The following KIAA1217 variants were observed in gnomAD, a reference collection of about 807,000 sequenced individuals.
KIAA1217 encodes sickle tail protein homolog.
A neutral mutation model predicts 163.9 loss-of-function variants in KIAA1217; 88 were observed. That is an observed-to-expected ratio of 0.54 (90% CI 0.45 to 0.64). The LOEUF is 0.64. Ranked by LOEUF, KIAA1217 falls within the 30% of genes least tolerant of loss-of-function variation. KIAA1217 has a pLI of 0.00. For synonymous variants in KIAA1217, 903 were observed against 923.1 expected, an observed-to-expected ratio of 0.98 and a Z score of 0.39; for missense variants, 2,372 against 2,475.0, an observed-to-expected ratio of 0.96 and a Z score of 0.88.
chr10:24,239,685 GTGTGTGTGTGTT>G (rs1052464604), intron 2 of KIAA1217, among the ~76,000 whole-genome samples: 50 of 138,832 alleles, frequency 3.6e-4, no homozygotes, highest in Non-Finnish European at 5.5e-4. Flanking sequence ...GTGTGTGTGT[GTGTGTGTGTGTT>G]TGTGTGTGTG....
intron 1 of KIAA1217, among the ~76,000 whole-genome samples, chr10:23,946,916 C>G (rs1189459056): frequency 6.6e-6 from 1 of 151,984 alleles, no homozygotes; most frequent in Non-Finnish European, 1.5e-5. Context: ...TGGGAGGGAC[C>G]CAGTGGGAGG....
chr10:24,259,661 G>C (rs1275563961), intron 2 of KIAA1217, among the ~76,000 whole-genome samples: 2 of 152,166 alleles, frequency 1.3e-5, no homozygotes, highest in Admixed American at 1.3e-4. Flanking sequence ...CCTGCTCAGG[G>C]GTCCCTTCTG....
At chr10:24,003,531 TTGATGAAAATGCAC>T (rs560858943) in intron 1 of KIAA1217, among the ~76,000 whole-genome samples, 1 of 152,346 alleles carries the variant, frequency 6.6e-6, no homozygotes, top group African/African-American at 2.4e-5. Flanking sequence ...TGTTTCACAT[TTGATGAAAATGCAC>T]CTTACTTTCT....
chr10:24,408,003 A>G (rs761158773), intron 3 of KIAA1217, among the ~76,000 whole-genome samples: 25 of 152,168 alleles, frequency 1.6e-4, no homozygotes, highest in Non-Finnish European at 3.2e-4. Context: ...TTATTTATAT[A>G]TTAATTTTGA....
rs146686930 is a variant in KIAA1217, at chr10:24,473,106, T to G, written c.847-122T>G. On this transcript the variant is annotated intron_variant, in intron 5 of 20. Coordinates refer to ENST00000376454, the MANE Select transcript of KIAA1217 (RefSeq NM_019590.5). ...CTCTTTTGCCATGTAAGGAAACATA[T>G]TCACAGATTCCAGGATGAGGGTGTA... The G allele has an allele frequency of 4.3e-4, 276 of 644,504 alleles. No individual in the cohort carries two copies. The African/African-American group carries it at 4.8e-3, about 11-fold the overall frequency. The allele number at this position is 644,504 out of a possible 1,614,324, so 39.9% of individuals were successfully genotyped here. A position where few individuals can be genotyped will look rare whatever the true frequency, so the allele number is the denominator to read the frequency against.
At chr10:24,306,550 C>T (rs948100273) in intron 2 of KIAA1217, among the ~76,000 whole-genome samples, 4 of 152,190 alleles carry the variant, frequency 2.6e-5, no homozygotes, top group Admixed American at 2.0e-4. Flanking sequence ...TCCCTGGCCA[C>T]CTGGTAAGTC....
intron 5 of KIAA1217, among the ~76,000 whole-genome samples, chr10:24,453,507 A>T (rs1256470514): frequency 6.6e-6 from 1 of 152,242 alleles, no homozygotes. Context: ...AGAATAGGCC[A>T]TCATGTCAAC....
rs564148631 is a variant in KIAA1217 at position 24,499,302 on chromosome 10, T to C, written c.1835-2077T>C. On this transcript the variant is annotated intron_variant, in intron 8 of 20. Coordinates refer to ENST00000376454, the MANE Select transcript of KIAA1217 (RefSeq NM_019590.5). ...TATGTTTTACTTGGTACTTTCATAG[T>C]TGGAGAATATCCTTTTGAACAACAG... Among the ~76,000 whole-genome samples, 9 of 152,376 alleles carry C rather than the reference T, an allele frequency of 5.9e-5. No individual in the cohort carries two copies. In the East Asian group the frequency reaches 1.5e-3, roughly 26 times the overall value.
At chr10:24,104,481 A>G (rs760171108) in intron 2 of KIAA1217, among the ~76,000 whole-genome samples, 4 of 148,830 alleles carry the variant, frequency 2.7e-5, no homozygotes, top group Non-Finnish European at 6.1e-5. Flanking sequence ...GGAGAAAGTA[A>G]AAAAAAGATC....
At chr10:24,412,047 T>G (rs1022396406) in intron 3 of KIAA1217, among the ~76,000 whole-genome samples, 18 of 152,124 alleles carry the variant, frequency 1.2e-4, no homozygotes, top group African/African-American at 4.1e-4. Flanking sequence ...GCCCTACCTG[T>G]GCTGCCAGAA....
At chr10:23,923,329 A>G (rs1842915232) in intron 1 of KIAA1217, among the ~76,000 whole-genome samples, 2 of 152,114 alleles carry the variant, frequency 1.3e-5, no homozygotes, top group African/African-American at 4.8e-5. Flanking sequence ...GTCCCAAGAA[A>G]GACCTTTTAA....
intron 2 of KIAA1217, among the ~76,000 whole-genome samples, chr10:24,318,814 C>A (rs1384359910): frequency 1.3e-5 from 2 of 152,212 alleles, no homozygotes; most frequent in Non-Finnish European, 2.9e-5. Context: ...TGCTTATGAT[C>A]TAATGTTGAA....
intron 2 of KIAA1217, among the ~76,000 whole-genome samples, chr10:24,016,537 A>T (rs1302214081): frequency 6.6e-6 from 1 of 152,200 alleles, no homozygotes; most frequent in Non-Finnish European, 1.5e-5. Flanking sequence ...ATGTCAACAC[A>T]ACTATTAAAA....
chr10:24,250,068 T>C (rs1452281697), intron 2 of KIAA1217, among the ~76,000 whole-genome samples: 1 of 152,220 alleles, frequency 6.6e-6, no homozygotes. Flanking sequence ...GTTTTGCTGC[T>C]GCTTGTTGGC....
chr10:23,893,603 T>G (rs1036336317), intron 1 of KIAA1217, among the ~76,000 whole-genome samples: 4 of 152,022 alleles, frequency 2.6e-5, no homozygotes, highest in African/African-American at 7.2e-5. Flanking sequence ...ATTTTGGATC[T>G]TCCCTGCTTT....
At chr10:24,163,022 CT>C (rs1229567742) in intron 2 of KIAA1217, among the ~76,000 whole-genome samples, 4 of 152,182 alleles carry the variant, frequency 2.6e-5, no homozygotes, top group African/African-American at 9.7e-5. Context: ...GAAAAAATCA[CT>C]TCTGTTATAT....
chr10:23,878,034 C>T (rs942801210), intron 1 of KIAA1217, among the ~76,000 whole-genome samples: 3 of 151,834 alleles, frequency 2.0e-5, no homozygotes, highest in South Asian at 2.1e-4. Context: ...AACACAGATG[C>T]GTATTGTCAC....
chr10:24,418,379 C>T (rs909479041), intron 3 of KIAA1217, among the ~76,000 whole-genome samples: 2 of 152,126 alleles, frequency 1.3e-5, no homozygotes, highest in African/African-American at 4.8e-5. Context: ...CTTTCTCCCC[C>T]AACTTGAGGA....
At chr10:24,401,821 A>G (rs926524576) in intron 3 of KIAA1217, among the ~76,000 whole-genome samples, 16 of 112,906 alleles carry the variant, frequency 1.4e-4, no homozygotes, top group Non-Finnish European at 2.3e-4. Flanking sequence ...AGGAAATCCA[A>G]TGAATGCACC....
Sources: gnomAD v4.1 joint callset for allele counts (sites outside exome capture counted in the v4.1 genomes callset) on GRCh38, gnomAD v4.1.1 for gene constraint, MANE v1.5 for transcripts, NCBI Gene and HGNC (gene_info 2026-07-23, HGNC 2026-07-21) for gene names.